Variants in WDR49 observed in about 807,000 individuals in gnomAD.
WDR49 encodes cilia- and flagella-associated protein 337.
A neutral mutation model predicts 119.5 loss-of-function variants in WDR49; 107 were observed. The ratio of observed to expected loss-of-function variants is 0.90; its 90% confidence interval spans 0.77 to 1.05. WDR49 has a LOEUF of 1.05. Ranked by LOEUF, WDR49 falls within the 50% of genes least tolerant of loss-of-function variation. The pLI is 0.00. For missense variants in WDR49, 1,240 were observed against 1,220.5 expected (o/e 1.02, Z -0.24); for synonymous variants, 425 against 418.8 (o/e 1.01, Z -0.18).
At chr3:167,643,279 G>A (rs1049040596) in intron 2 of WDR49, among the ~76,000 whole-genome samples, 2 of 152,006 alleles carry the variant, frequency 1.3e-5, no homozygotes, top group Admixed American at 6.6e-5. Context: ...TGGGACTCTC[G>A]ATGCCTTACA....
chr3:167,519,995 A>C (rs1752376669), intron 16 of WDR49, among the ~76,000 whole-genome samples: 1 of 151,990 alleles, frequency 6.6e-6, no homozygotes, highest in African/African-American at 2.4e-5. Context: ...GCACTTTGGG[A>C]GGGTGAAGTG....
chr3:167,578,388 T>C (rs1017966243), intron 7 of WDR49, among the ~76,000 whole-genome samples: 8 of 152,184 alleles, frequency 5.3e-5, no homozygotes, highest in African/African-American at 1.9e-4. Flanking sequence ...ACTCTTTTAC[T>C]CTTTCTTGTT....
chr3:167,481,085 CT>C (rs1750703023), intron 18 of WDR49, among the ~76,000 whole-genome samples: 1 of 148,724 alleles, frequency 6.7e-6, no homozygotes, highest in Admixed American at 6.7e-5. Flanking sequence ...AAAAAATCAC[CT>C]CATTAAAGCT....
intron 8 of WDR49, among the ~76,000 whole-genome samples, chr3:167,563,591 T>A (rs1466829425): frequency 6.6e-6 from 1 of 152,154 alleles, no homozygotes; most frequent in Non-Finnish European, 1.5e-5. Flanking sequence ...CATTTTTGGA[T>A]TGATTGATTT....
chr3:167,656,185 T>C (rs1212591706), upstream of WDR49, among the ~76,000 whole-genome samples: 1 of 152,214 alleles, frequency 6.6e-6, no homozygotes, highest in Non-Finnish European at 1.5e-5. Flanking sequence ...GGGGTGTATT[T>C]ACCAGATTTG....
upstream of WDR49, among the ~76,000 whole-genome samples, chr3:167,654,418 A>C (rs895252212): frequency 2.0e-5 from 3 of 152,220 alleles, no homozygotes; most frequent in African/African-American, 7.2e-5. Flanking sequence ...CTAATGATAA[A>C]ATTGCTTGCA....
At chr3:167,498,366 T>C (rs1012897815) in intron 18 of WDR49, among the ~76,000 whole-genome samples, 7 of 151,838 alleles carry the variant, frequency 4.6e-5, no homozygotes, top group Admixed American at 3.3e-4. Context: ...CCCCACAAAA[T>C]ATGAGACTCA....
intron 18 of WDR49, among the ~76,000 whole-genome samples, chr3:167,495,494 A>C (rs969591863): frequency 1.3e-5 from 2 of 152,140 alleles, no homozygotes; most frequent in African/African-American, 4.8e-5. Context: ...ATGTTTTTCC[A>C]TTTTATTTAT....
At chr3:167,496,364 G>A (rs934260561) in intron 18 of WDR49, among the ~76,000 whole-genome samples, 3 of 151,808 alleles carry the variant, frequency 2.0e-5, no homozygotes, top group African/African-American at 7.3e-5. Flanking sequence ...CTAGAACCCA[G>A]CCAGTGGGAA....
At chr3:167,537,760 C>T (rs983576101) in intron 10 of WDR49, among the ~76,000 whole-genome samples, 4 of 152,024 alleles carry the variant, frequency 2.6e-5, no homozygotes, top group South Asian at 2.1e-4. Flanking sequence ...CTTGATGATC[C>T]GAGCTCTGGC....
At chr3:167,494,237 C>T (rs747954587) in intron 18 of WDR49, among the ~76,000 whole-genome samples, 2 of 152,012 alleles carry the variant, frequency 1.3e-5, no homozygotes, top group African/African-American at 4.8e-5. Context: ...TAGTAGAAGG[C>T]GAAGTGATGA....
chr3:167,596,148 T>C (rs1422273394), intron 7 of WDR49, among the ~76,000 whole-genome samples: 1 of 151,340 alleles, frequency 6.6e-6, no homozygotes, highest in African/African-American at 2.4e-5. Flanking sequence ...ATCAGAGAAA[T>C]GCAAATCAAA....
intron 6 of WDR49, 81 bp from the exon 7 acceptor site, chr3:167,602,356 A>G (rs1715818047): frequency 7.9e-7 from 1 of 1,266,658 alleles, no homozygotes; most frequent in Non-Finnish European, 1.1e-6. Flanking sequence ...TGAGTTTACC[A>G]TATAACTCTA....
chr3:167,655,138 C>A (rs1262774751), upstream of WDR49, among the ~76,000 whole-genome samples: 1 of 152,142 alleles, frequency 6.6e-6, no homozygotes, highest in East Asian at 1.9e-4. Flanking sequence ...AGGGCAAAGT[C>A]ATGACTTACA....
intron 10 of WDR49, among the ~76,000 whole-genome samples, chr3:167,554,080 T>G (rs1231701854): frequency 6.6e-6 from 1 of 152,068 alleles, no homozygotes; most frequent in African/African-American, 2.4e-5. Context: ...ATTTTCCTAC[T>G]GCTTCTACAG....
chr3:167,536,996 T>C lies in WDR49; in HGVS notation c.1828A>G (p.Ile610Val), dbSNP rs763057377. ...YASWKTIGRA[I>V]TVFRPQNFNQ... is the part of the protein sequence containing the mutation. The stretch of plus-strand genomic sequence containing the variant: ...AAGTTTTGGGGTCGAAACACAGTAA[T>C]AGCCCTAGCAAAAAGGATATAGAAT... The change falls in exon 11 of 19, where the codon ATT becomes GTT. Residue 610 changes from isoleucine (I) to valine (V), a missense_variant. Physicochemically the swap from Ile to Val is conservative, Grantham distance 29. Transcript: ENST00000682715. 1.3e-5 allele frequency: 20 copies of C among 1,578,246 alleles called. No homozygotes were observed. The South Asian group carries it at 2.3e-4, about 18-fold the overall frequency.
Position 167,576,155 on chromosome 3 carries a change from G to C in WDR49, c.1276-4C>G. 6.2e-7 allele frequency: 1 copy of C among 1,609,282 alleles called. No homozygotes were observed. The highest frequency in any genetic ancestry group is 8.5e-7 in the Non-Finnish European group (1 of 1,177,232). ...GAATATCCCAGAGTCTCAAAACCTG[G>C]ATGAAAAGTGATAAAATCATTTCAA... On this transcript the variant is annotated splice_polypyrimidine_tract_variant and splice_region_variant and intron_variant, in intron 7 of 18. Transcript: ENST00000682715.
intron 7 of WDR49, among the ~76,000 whole-genome samples, chr3:167,581,324 A>G (rs1714520264): frequency 6.6e-6 from 1 of 152,164 alleles, no homozygotes; most frequent in Admixed American, 6.6e-5. Context: ...GAGACTCCAG[A>G]CACCCAATCC....
intron 2 of WDR49, among the ~76,000 whole-genome samples, chr3:167,636,853 T>C (rs1351041539): frequency 6.6e-6 from 1 of 151,874 alleles, no homozygotes; most frequent in Non-Finnish European, 1.5e-5. Flanking sequence ...TCTTTTTTTC[T>C]TGCTAATTTG....
Sources: gnomAD v4.1 joint callset for allele counts (sites outside exome capture counted in the v4.1 genomes callset) on GRCh38, gnomAD v4.1.1 for gene constraint, MANE v1.5 for transcripts, NCBI Gene and HGNC (gene_info 2026-07-23, HGNC 2026-07-21) for gene names.